Variants in HTR2C observed in about 807,000 individuals in gnomAD.
The protein encoded by HTR2C is 5-hydroxytryptamine receptor 2C, also known as 5-hydroxytryptamine (serotonin) receptor 2C, G protein-coupled.
HTR2C carries 5 observed loss-of-function variants against 21.0 expected under a neutral mutation model. The observed-to-expected ratio is 0.24, with a 90% CI of 0.12 to 0.50. The LOEUF (loss-of-function observed/expected upper bound fraction) is 0.50, where lower values mean the gene tolerates loss of function less well. HTR2C is among the 20% of genes least tolerant of loss of function. The probability of loss-of-function intolerance (pLI) is 0.98; values close to 1 mark genes in which losing one functional copy is unlikely to be tolerated. For missense variants in HTR2C, 271 were observed against 371.2 expected (o/e 0.73, Z 2.22); for synonymous variants, 150 against 145.3 (o/e 1.03, Z -0.23).
chrX:114,715,258 G>A (rs782457352), intron 2 of HTR2C: 15 of 373,985 alleles, frequency 4.0e-5, no homozygotes, highest in Non-Finnish European at 8.1e-5. Context: ...AGTTCATTCG[G>A]CTGTCCAGAT....
chrX:114,649,113 A>G (rs1416315283), intron 2 of HTR2C, among the ~76,000 whole-genome samples: 1 of 111,817 alleles, frequency 8.9e-6, no homozygotes, highest in East Asian at 2.8e-4. Flanking sequence ...TTTGCCCCCA[A>G]TTATTTCATG....
At chrX:114,673,650 C>T (rs1931457236) in intron 2 of HTR2C, among the ~76,000 whole-genome samples, 1 of 111,366 alleles carries the variant, frequency 9.0e-6, no homozygotes, top group African/African-American at 3.3e-5. Flanking sequence ...AACATGGACA[C>T]AAAATTATGT....
At chrX:114,751,952 A>G (rs1303874067) in intron 4 of HTR2C, among the ~76,000 whole-genome samples, 1 of 111,828 alleles carries the variant, frequency 8.9e-6, no homozygotes, top group Admixed American at 9.5e-5. Flanking sequence ...ACAAAAACAA[A>G]AAGGAAATAA....
intron 4 of HTR2C, among the ~76,000 whole-genome samples, chrX:114,772,108 C>T (rs1286964568): frequency 9.0e-6 from 1 of 111,445 alleles, no homozygotes. Context: ...TAAGCCAAAT[C>T]TATACCTTTG....
chrX:114,805,968 TATATATACACC>T (rs1556449121), intron 4 of HTR2C, among the ~76,000 whole-genome samples: 7 of 31,255 alleles, frequency 2.2e-4, no homozygotes, highest in African/African-American at 4.8e-4. Flanking sequence ...ATATATACCA[TATATATACACC>T]ATATATATAC....
chrX:114,872,788 T>C (rs1275703763), intron 5 of HTR2C, among the ~76,000 whole-genome samples: 2 of 111,366 alleles, frequency 1.8e-5, no homozygotes, highest in African/African-American at 6.5e-5. Context: ...GTTTATAGTA[T>C]TGTTCAAGTC....
chrX:114,646,303 A>G (rs1930358825), intron 2 of HTR2C, among the ~76,000 whole-genome samples: 2 of 111,873 alleles, frequency 1.8e-5, no homozygotes, highest in South Asian at 7.3e-4. Context: ...AGATCTGTTA[A>G]TAAAGGCTAA....
intron 4 of HTR2C, chrX:114,776,756 A>C: frequency 2.7e-6 from 1 of 374,005 alleles, no homozygotes; most frequent in Admixed American, 3.1e-5. Context: ...ATCAATACCA[A>C]CTGCAGGTCC....
chrX:114,785,087 T>C (rs2070162235), intron 4 of HTR2C, among the ~76,000 whole-genome samples: 2 of 112,213 alleles, frequency 1.8e-5, no homozygotes, highest in African/African-American at 3.2e-5. Context: ...CTGAGAACAC[T>C]GACTTAATGG....
intron 2 of HTR2C, among the ~76,000 whole-genome samples, chrX:114,664,114 G>A (rs1368399427): frequency 9.0e-6 from 1 of 111,615 alleles, no homozygotes; most frequent in Non-Finnish European, 1.9e-5. Context: ...ACATATACCC[G>A]TGCAAAGTTT....
chrX:114,710,824 T>C (rs1556419104), intron 2 of HTR2C, among the ~76,000 whole-genome samples: 2 of 111,225 alleles, frequency 1.8e-5, no homozygotes, highest in Non-Finnish European at 1.9e-5. Flanking sequence ...TATGAAGTCC[T>C]CTGCTAATAG....
chrX:114,680,581 T>C (rs782175093), intron 2 of HTR2C, among the ~76,000 whole-genome samples: 106 of 111,809 alleles, frequency 9.5e-4, no homozygotes, highest in African/African-American at 3.0e-3. Context: ...TAGTCTGACA[T>C]AGTGTGTTTG....
chrX:114,878,304 C>G (rs1165175593), intron 5 of HTR2C, among the ~76,000 whole-genome samples: 1 of 110,176 alleles, frequency 9.1e-6, no homozygotes, highest in Non-Finnish European at 1.9e-5. Context: ...TCTCATCCAG[C>G]TTCATTAAAT....
In HTR2C at chrX:114,907,142, T is replaced by C; in HGVS notation, c.1104T>C (p.Tyr368=). ...GTTCAGGAATCAATCCTCTGGTGTA[T>C]ACTCTGTTCAACAAAATTTACCGAA... ...YVCSGINPLV[Y]TLFNKIYRRA... Residue 368 remains tyrosine, a synonymous_variant, in exon 6 of 6, where the codon TAT becomes TAC. Coordinates refer to ENST00000276198, the MANE Select transcript of HTR2C (RefSeq NM_000868.4). The C allele has an allele frequency of 8.3e-7, 1 of 1,211,413 alleles. No individual in the cohort carries two copies. Among genetic ancestry groups the C allele is most frequent in the Non-Finnish European group, 1.1e-6 (1 of 895,201 alleles).
rs201207082 is a variant in HTR2C, at chrX:114,828,892, C to T, written c.350-19111C>T. Among the ~76,000 whole-genome samples, 7 of 111,981 alleles carry T rather than the reference C, an allele frequency of 6.3e-5. No individual in the cohort carries two copies. In the East Asian group the frequency reaches 2.0e-3, roughly 31 times the overall value. On this transcript the variant is annotated intron_variant, in intron 4 of 5. Coordinates refer to ENST00000276198, the MANE Select transcript of HTR2C (RefSeq NM_000868.4). ...GCTTTCAAAGTTCAACCATAATGTG[C>T]CATGTATTTGTAATTCACTCTTTTT...
chrX:114,808,796 G>T (rs782796606), intron 4 of HTR2C, among the ~76,000 whole-genome samples: 1 of 111,306 alleles, frequency 9.0e-6, no homozygotes, highest in Admixed American at 9.6e-5. Context: ...AATCTTTTGC[G>T]CATTGTTCGA....
intron 4 of HTR2C, among the ~76,000 whole-genome samples, chrX:114,749,449 G>T (rs1361506321): frequency 4.4e-5 from 2 of 45,329 alleles, no homozygotes; most frequent in South Asian, 2.5e-3. Context: ...GCAAGTCCAT[G>T]TCTCAAAAAA....
intron 5 of HTR2C, chrX:114,900,330 C>A: frequency 5.0e-6 from 1 of 201,916 alleles, no homozygotes; most frequent in Non-Finnish European, 9.6e-6. Flanking sequence ...ACTGGGGTGG[C>A]AGGTATTAGG....
At position 114,848,050 on chromosome X, in the gene HTR2C, T is replaced by G. The variant is rs782713468; in HGVS notation, c.397T>G (p.Leu133Val). The change falls in exon 5 of 6, where the codon TTA becomes GTA. Residue 133 changes from leucine to valine, a missense_variant. Leu to Val is a conservative substitution (Grantham distance 32, BLOSUM62 1). This residue lies in a region of HTR2C where 4 missense variants were observed against 24.7 expected (regional missense o/e 0.16). Coordinates refer to ENST00000276198, the MANE Select transcript of HTR2C (RefSeq NM_000868.4). ...PRYLCPVWIS[L>V]DVLFSTASIM... The stretch of plus-strand genomic sequence containing the variant: ...ATATTTGTGCCCCGTCTGGATTTCT[T>G]TAGATGTTTTATTTTCAACAGCGTC... The G allele has an allele frequency of 1.7e-6, 2 of 1,210,369 alleles. No individual in the cohort carries two copies. Among genetic ancestry groups the G allele is most frequent in the Non-Finnish European group, 2.2e-6 (2 of 894,265 alleles).
Sources: gnomAD v4.1 joint callset for allele counts (sites outside exome capture counted in the v4.1 genomes callset) on GRCh38, gnomAD v4.1.1 for gene constraint, gnomAD v4.1.1 regional missense constraint, MANE v1.5 for transcripts, NCBI Gene and HGNC (gene_info 2026-07-23, HGNC 2026-07-21) for gene names.